Variants in LOXL2 observed in about 807,000 individuals in gnomAD.
LOXL2 encodes lysyl oxidase homolog 2.
LOXL2 carries 70 observed loss-of-function variants against 93.0 expected under a neutral mutation model. The ratio of observed to expected loss-of-function variants is 0.75; its 90% confidence interval spans 0.62 to 0.92. The LOEUF (loss-of-function observed/expected upper bound fraction) is 0.92. Ranked by LOEUF, LOXL2 falls within the 40% of genes least tolerant of loss-of-function variation. The pLI is 0.00. For synonymous variants in LOXL2, 438 were observed against 413.2 expected, an observed-to-expected ratio of 1.06 and a Z score of -0.73; for missense variants, 973 against 1,054.9, an observed-to-expected ratio of 0.92 and a Z score of 1.08.
intron 4 of LOXL2, among the ~76,000 whole-genome samples, chr8:23,334,826 T>A (rs77200297): frequency 6.6e-6 from 1 of 151,768 alleles, no homozygotes; most frequent in Non-Finnish European, 1.5e-5. Flanking sequence ...TTGTTGTTTT[T>A]TTTTTTTTGA....
intron 2 of LOXL2, among the ~76,000 whole-genome samples, chr8:23,362,072 C>A (rs963365677): frequency 6.6e-6 from 1 of 152,144 alleles, no homozygotes; most frequent in Non-Finnish European, 1.5e-5. Context: ...GTGTTCATAA[C>A]AGTATTATTC....
intron 5 of LOXL2, among the ~76,000 whole-genome samples, chr8:23,329,782 G>A (rs888228131): frequency 2.6e-5 from 4 of 152,302 alleles, no homozygotes; most frequent in Admixed American, 1.3e-4. Context: ...TGGCCACGGC[G>A]AGGCAGGCCT....
At chr8:23,374,188 C>G (rs965708919) in intron 1 of LOXL2, among the ~76,000 whole-genome samples, 1 of 146,460 alleles carries the variant, frequency 6.8e-6, no homozygotes, top group Non-Finnish European at 1.5e-5. Context: ...CTATGAGTGA[C>G]AACATGTGGT....
chr8:23,346,047 G>A (rs1223809710), intron 3 of LOXL2, among the ~76,000 whole-genome samples: 4 of 148,484 alleles, frequency 2.7e-5, no homozygotes, highest in Admixed American at 6.8e-5. Context: ...TAGCCTGGGC[G>A]ACAGAGCGAG....
At position 23,368,147 on chromosome 8, in the gene LOXL2, C is replaced by G. The variant is rs199832043; in HGVS notation, c.205G>C (p.Glu69Gln). The G allele has an allele frequency of 5.6e-6, 9 of 1,614,126 alleles. No individual in the cohort carries two copies. Among genetic ancestry groups the G allele is most frequent in the Non-Finnish European group, 7.6e-6 (9 of 1,180,014 alleles). ...RLAGQKRKHSEGRVEVYYDGQ... is the reference protein window; with the variant it reads ...RLAGQKRKHSQGRVEVYYDGQ... Reference sequence around the variant, plus strand: ...TCATAGTACACCTCCACCCGGCCCTCGCTGTGCTTCCTCTTCTGCCCAGCC... The same window carrying G: ...TCATAGTACACCTCCACCCGGCCCTGGCTGTGCTTCCTCTTCTGCCCAGCC... The change falls in exon 2 of 14, where the codon GAG (glutamate) becomes CAG (glutamine). Residue 69 changes from glutamate to glutamine, a missense_variant. Physicochemically the swap from Glu to Gln is conservative, Grantham distance 29. Transcript: ENST00000389131.
Position 23,356,949 on chromosome 8 carries a change from G to T in LOXL2, c.531+3141C>A, listed in dbSNP as rs552463953. Reference sequence around the variant, plus strand: ...AGGGCCATGTTTTCTTTCCCTGCTGGTATCCCAAACCAGCAGGTACCCAAC... The same window carrying T: ...AGGGCCATGTTTTCTTTCCCTGCTGTTATCCCAAACCAGCAGGTACCCAAC... On this transcript the variant is annotated intron_variant, in intron 3 of 13. Coordinates refer to ENST00000389131, the MANE Select transcript of LOXL2 (RefSeq NM_002318.3). Among the ~76,000 whole-genome samples the T allele has an allele frequency of 3.3e-5, 5 of 152,290 alleles. No homozygotes were observed. The East Asian group carries it at 9.6e-4, about 29-fold the overall frequency.
chr8:23,352,310 C>G (rs987006483), intron 3 of LOXL2, among the ~76,000 whole-genome samples: 1 of 152,198 alleles, frequency 6.6e-6, no homozygotes, highest in Admixed American at 6.5e-5. Context: ...CTTCCTCCTA[C>G]AGAGAGAGGC....
At chr8:23,375,953 T>A (rs951149331) in intron 1 of LOXL2, among the ~76,000 whole-genome samples, 2 of 152,214 alleles carry the variant, frequency 1.3e-5, no homozygotes, top group African/African-American at 4.8e-5. Context: ...CTGATTGCCC[T>A]GGCCAGAACT....
At chr8:23,383,689 C>A (rs1288103457) in intron 1 of LOXL2, among the ~76,000 whole-genome samples, 2 of 121,370 alleles carry the variant, frequency 1.6e-5, no homozygotes, top group Non-Finnish European at 3.2e-5. Flanking sequence ...GAGACAGAGT[C>A]TTGCTCTGTC....
intron 10 of LOXL2, among the ~76,000 whole-genome samples, chr8:23,305,576 G>A (rs1318769499): frequency 6.6e-6 from 1 of 150,984 alleles, no homozygotes; most frequent in African/African-American, 2.4e-5. Context: ...CTGGGAAGAT[G>A]GGATGGTGAG....
Position 23,319,865 on chromosome 8 carries a change from C to A in LOXL2, c.1470+20G>T, listed in dbSNP as rs769330204. On this transcript the variant is annotated intron_variant, in intron 8 of 13. Coordinates refer to ENST00000389131, the MANE Select transcript of LOXL2 (RefSeq NM_002318.3). Reference sequence around the variant, plus strand: ...ACTGCATGGGGGGTGAATGCGGGGTCTGAGGCCGGGGCTTCTCACCTGGAA... The same window carrying A: ...ACTGCATGGGGGGTGAATGCGGGGTATGAGGCCGGGGCTTCTCACCTGGAA... The A allele has an allele frequency of 1.2e-5, 19 of 1,610,446 alleles. No individual in the cohort carries two copies. The Admixed American group carries it at 3.0e-4, about 25-fold the overall frequency.
chr8:23,362,094 G>C (rs904555257), intron 2 of LOXL2, among the ~76,000 whole-genome samples: 1 of 152,192 alleles, frequency 6.6e-6, no homozygotes, highest in South Asian at 2.1e-4. Context: ...CAATAGCCAA[G>C]AGGTGGAAGC....
At chr8:23,389,719 A>T (rs1804812860) in intron 1 of LOXL2, among the ~76,000 whole-genome samples, 1 of 152,190 alleles carries the variant, frequency 6.6e-6, no homozygotes, top group African/African-American at 2.4e-5. Flanking sequence ...TGATGCTCAT[A>T]ACTGTCCCCT....
At chr8:23,331,899 G>T (rs911918491) in intron 5 of LOXL2, 1 of 151,798 alleles carries the variant, frequency 6.6e-6, no homozygotes, top group Admixed American at 6.6e-5. Context: ...AGCGAGGCGT[G>T]GTGGCGGGTG....
At position 23,368,305 on chromosome 8, in the gene LOXL2, A is replaced by G. The variant is rs1804445480; in HGVS notation, c.47T>C (p.Leu16Pro). The change falls in exon 2 of 14, where the codon CTG becomes CCG. Residue 16 changes from leucine to proline, a missense_variant. Physicochemically the swap from Leu to Pro is moderately conservative, Grantham distance 98. Transcript: ENST00000389131. ...CAGGCTCAGGGGGGACAGGAGGGCCAGCATAGCCAGGCAGCTGCAGAGGTG... is the reference window on the plus strand; with the variant it reads ...CAGGCTCAGGGGGGACAGGAGGGCCGGCATAGCCAGGCAGCTGCAGAGGTG... ...CSHLCSCLAMLALLSPLSLAQ... is the reference protein window; with the variant it reads ...CSHLCSCLAMPALLSPLSLAQ... The G allele has an allele frequency of 6.2e-7, 1 of 1,613,092 alleles. No homozygotes were observed. Among genetic ancestry groups the G allele is most frequent in the African/African-American group, 1.3e-5 (1 of 74,920 alleles).
chr8:23,348,067 T>C (rs929549890), intron 3 of LOXL2, among the ~76,000 whole-genome samples: 2 of 152,042 alleles, frequency 1.3e-5, no homozygotes, highest in African/African-American at 2.4e-5. Context: ...CATGGAATAC[T>C]GTGCAGCCGT....
chr8:23,351,951 C>G (rs1485830254), intron 3 of LOXL2, among the ~76,000 whole-genome samples: 1 of 152,190 alleles, frequency 6.6e-6, no homozygotes, highest in East Asian at 1.9e-4. Flanking sequence ...GCTGGGACTA[C>G]AGGTGTACAC....
intron 5 of LOXL2, among the ~76,000 whole-genome samples, chr8:23,330,720 C>T (rs1803661186): frequency 6.6e-6 from 1 of 150,670 alleles, no homozygotes; most frequent in African/African-American, 2.4e-5. Flanking sequence ...CTGGATGACA[C>T]ACAAGGAAAG....
At chr8:23,355,325 C>A (rs766283117) in intron 3 of LOXL2, among the ~76,000 whole-genome samples, 1 of 151,838 alleles carries the variant, frequency 6.6e-6, no homozygotes, top group Non-Finnish European at 1.5e-5. Context: ...CCCCATATCT[C>A]TTTTCTTGAC....
Sources: gnomAD v4.1 joint callset for allele counts (sites outside exome capture counted in the v4.1 genomes callset) on GRCh38, gnomAD v4.1.1 for gene constraint, MANE v1.5 for transcripts, NCBI Gene and HGNC (gene_info 2026-07-23, HGNC 2026-07-21) for gene names.